Variants in GLI3 observed in about 807,000 individuals in gnomAD.
The protein encoded by GLI3 is transcription activator GLI3.
Under a neutral mutation model 100.8 loss-of-function variants are expected in GLI3, and 20 were observed. The observed-to-expected ratio is 0.20, with a 90% confidence interval of 0.14 to 0.29. GLI3 has a LOEUF of 0.29. Among genes scored for constraint, GLI3 ranks in the 10% least tolerant of loss-of-function variants. The probability of loss-of-function intolerance (pLI) is 1.00; values close to 1 mark genes in which losing one functional copy is unlikely to be tolerated. For missense variants in GLI3, 2,040 were observed against 2,128.5 expected, an observed-to-expected ratio of 0.96 and a Z score of 0.82; for synonymous variants, 938 against 860.5, an observed-to-expected ratio of 1.09 and a Z score of -1.58.
At chr7:42,089,332 G>A (rs1338042082) in intron 3 of GLI3, among the ~76,000 whole-genome samples, 4 of 152,202 alleles carry the variant, frequency 2.6e-5, no homozygotes, top group Middle Eastern at 3.2e-3. Context: ...CTTCTTTGCT[G>A]TTTCCAACTG....
intron 2 of GLI3, among the ~76,000 whole-genome samples, chr7:42,167,520 C>T (rs1787269189): frequency 6.6e-6 from 1 of 152,018 alleles, no homozygotes; most frequent in Non-Finnish European, 1.5e-5. Flanking sequence ...TTGGGAATTA[C>T]TGATAAATTT....
At chr7:42,097,884 G>A (rs1282539166) in intron 3 of GLI3, among the ~76,000 whole-genome samples, 2 of 152,108 alleles carry the variant, frequency 1.3e-5, no homozygotes, top group Non-Finnish European at 2.9e-5. Flanking sequence ...ATACCAGGGA[G>A]GGAAAATCAT....
chr7:42,226,619 A>C (rs1445564473), intron 1 of GLI3, among the ~76,000 whole-genome samples: 1 of 152,118 alleles, frequency 6.6e-6, no homozygotes, highest in Non-Finnish European at 1.5e-5. Flanking sequence ...TTGACAACTT[A>C]TTTTTGGATC....
intron 2 of GLI3, chr7:42,151,271 G>A (rs779948317): frequency 1.3e-5 from 2 of 152,150 alleles, no homozygotes; most frequent in African/African-American, 2.4e-5. Flanking sequence ...GCATTCATAT[G>A]AAAACCTGAC....
At chr7:42,039,623 G>A (rs1191889242) in intron 7 of GLI3, among the ~76,000 whole-genome samples, 2 of 152,128 alleles carry the variant, frequency 1.3e-5, no homozygotes, top group Non-Finnish European at 2.9e-5. Flanking sequence ...CAGAGTTGTA[G>A]GACAAGACTT....
intron 4 of GLI3, among the ~76,000 whole-genome samples, chr7:42,064,907 T>C (rs893821861): frequency 2.0e-5 from 3 of 152,170 alleles, no homozygotes; most frequent in Non-Finnish European, 4.4e-5. Context: ...CAATAACGTC[T>C]GTGCTCCAAT....
At chr7:42,075,733 T>C (rs1018968833) in intron 4 of GLI3, among the ~76,000 whole-genome samples, 15 of 152,216 alleles carry the variant, frequency 9.9e-5, no homozygotes, top group African/African-American at 3.4e-4. Context: ...AATTCAGTAA[T>C]GGGAGATGGA....
At chr7:42,221,025 G>C (rs892579574) in intron 2 of GLI3, among the ~76,000 whole-genome samples, 16 of 152,196 alleles carry the variant, frequency 1.1e-4, no homozygotes, top group African/African-American at 3.9e-4. Context: ...GGCACAAGCT[G>C]ATCAGGGCAG....
chr7:42,156,978 G>T (rs1202468946), intron 2 of GLI3, among the ~76,000 whole-genome samples: 1 of 152,178 alleles, frequency 6.6e-6, no homozygotes, highest in Non-Finnish European at 1.5e-5. Flanking sequence ...AGCATATGGT[G>T]GTATTATATT....
chr7:41,992,574 C>A (rs1469848494), intron 10 of GLI3, among the ~76,000 whole-genome samples: 1 of 152,030 alleles, frequency 6.6e-6, no homozygotes, highest in East Asian at 1.9e-4. Context: ...TCACAAAGCC[C>A]AATTTGAAAA....
At chr7:41,987,737 A>T (rs532004085) in intron 10 of GLI3, among the ~76,000 whole-genome samples, 1 of 152,358 alleles carries the variant, frequency 6.6e-6, no homozygotes, top group Admixed American at 6.5e-5. Flanking sequence ...TCCATGATAT[A>T]TTCTAAAATT....
intron 3 of GLI3, among the ~76,000 whole-genome samples, chr7:42,110,484 A>T (rs1179168370): frequency 6.6e-6 from 1 of 152,318 alleles, no homozygotes; most frequent in South Asian, 2.1e-4. Flanking sequence ...ATTTCCACAT[A>T]CAATCACCTA....
intron 10 of GLI3, among the ~76,000 whole-genome samples, chr7:42,005,731 A>G (rs1788442801): frequency 6.6e-6 from 1 of 152,088 alleles, no homozygotes; most frequent in African/African-American, 2.4e-5. Flanking sequence ...TATGAAGACA[A>G]AGGATATTAT....
chr7:42,111,406 A>T (rs960895123), intron 3 of GLI3, among the ~76,000 whole-genome samples: 3 of 152,190 alleles, frequency 2.0e-5, no homozygotes, highest in African/African-American at 7.2e-5. Flanking sequence ...GTCAGTGAGT[A>T]GCTATGGTCT....
At chr7:42,263,172 C>G (rs1225807594) in intron 1 of GLI3, among the ~76,000 whole-genome samples, 1 of 152,162 alleles carries the variant, frequency 6.6e-6, no homozygotes, top group African/African-American at 2.4e-5. Flanking sequence ...TGTACGCCTT[C>G]TGAGTGCTTA....
chr7:42,001,239 A>AC (rs1358383773), intron 10 of GLI3, among the ~76,000 whole-genome samples: 1 of 150,118 alleles, frequency 6.7e-6, no homozygotes, highest in African/African-American at 2.4e-5. Flanking sequence ...TATGTCTCAA[A>AC]AAAAAAAAAA....
intron 1 of GLI3, among the ~76,000 whole-genome samples, chr7:42,225,345 G>A (rs1381018415): frequency 6.6e-6 from 1 of 151,780 alleles, no homozygotes; most frequent in African/African-American, 2.4e-5. Flanking sequence ...TTTTTTGTTT[G>A]TTTGTTTTTG....
upstream of GLI3, among the ~76,000 whole-genome samples, chr7:42,238,173 A>ATGTCACCCGCGCCC (rs1788871842): frequency 6.6e-6 from 1 of 150,606 alleles, no homozygotes; most frequent in Admixed American, 6.6e-5. Flanking sequence ...CCCGGGCGTG[A>ATGTCACCCGCGCCC]TGTCACCCGC....
At chr7:42,057,917 A>T (rs886896249) in intron 4 of GLI3, among the ~76,000 whole-genome samples, 10 of 152,046 alleles carry the variant, frequency 6.6e-5, no homozygotes, top group Admixed American at 1.3e-4. Context: ...AATAAAGGAT[A>T]AAAAAACTAC....
Sources: allele counts gnomAD v4.1 joint callset (sites outside exome capture counted in the v4.1 genomes callset), GRCh38; gene constraint gnomAD v4.1.1; transcripts MANE v1.5; gene names NCBI Gene and HGNC (gene_info 2026-07-23, HGNC 2026-07-21).